The following THBS3 variants were observed in gnomAD, a reference collection of about 807,000 sequenced individuals.
THBS3 encodes the protein thrombospondin 3, also known as thrombospondin-3.
Under a neutral mutation model 118.3 loss-of-function variants are expected in THBS3, and 78 were observed. The ratio of observed to expected loss-of-function variants is 0.66; its 90% CI spans 0.55 to 0.80. The LOEUF (loss-of-function observed/expected upper bound fraction) is 0.80. Ranked by LOEUF, THBS3 falls within the 30% of genes least tolerant of loss-of-function variation. THBS3 has a pLI of 0.00. For missense variants in THBS3, 1,057 were observed against 1,247.4 expected, an observed-to-expected ratio of 0.85 and a Z score of 2.30; for synonymous variants, 427 against 475.3, an observed-to-expected ratio of 0.90 and a Z score of 1.32.
chr1:155,208,880 G>A (rs778777390), upstream of THBS3: 1 of 1,611,688 alleles, frequency 6.2e-7, no homozygotes, highest in South Asian at 1.1e-5. Flanking sequence ...TACAGGCCAC[G>A]TGCAGTTTGG....
chr1:155,203,158 G>A (rs1390093805), intron 6 of THBS3, 21 bp from the exon 7 acceptor site: 2 of 1,614,110 alleles, frequency 1.2e-6, no homozygotes, highest in African/African-American at 1.3e-5. Context: ...ATGGGGAGGA[G>A]TCAGCACTTG....
Position 155,205,144 on chromosome 1 carries a change from G to A in THBS3, c.459C>T (p.Gly153=). The part of the protein sequence containing the change: ...VDCKLGDQHA[G]LPALAPIPPA... ...GAGGAATGGGGGCCAGTGCTGGAAG[G>A]CCTGCATGTTGGTCACCCAGTTTGC... is the stretch of plus-strand genomic sequence containing the variant. The change falls in exon 3 of 23, where the codon GGC becomes GGT. Residue 153 remains glycine, a synonymous_variant. Coordinates refer to ENST00000368378, the MANE Select transcript of THBS3 (RefSeq NM_007112.5). 1 of 1,614,192 alleles carries A rather than the reference G, an allele frequency of 6.2e-7. No individual in the cohort carries two copies. Among genetic ancestry groups the A allele is most frequent in the Non-Finnish European group, 8.5e-7 (1 of 1,180,042 alleles).
chr1:155,195,715 C>CT lies in THBS3; in HGVS notation c.*125dup. ...TGACCACCCCTCTGGGACTGAACTC[C>CT]TTTTGGGAGCCAGAGAAGGGTCTGT... On this transcript the variant is annotated 3_prime_UTR_variant, in exon 23 of 23. Transcript: ENST00000368378. 9.2e-7 allele frequency: 1 copy of CT among 1,084,588 alleles called. No individual in the cohort carries two copies. The highest frequency in any genetic ancestry group is 1.3e-6 in the Non-Finnish European group (1 of 741,298). The allele number at this position is 1,084,588 out of a possible 1,614,324, so 67.2% of individuals were successfully genotyped here. A position where few individuals can be genotyped will look rare whatever the true frequency, so the allele number is the denominator to read the frequency against.
Position 155,205,244 on chromosome 1 carries a change from C to T in THBS3, c.359G>A (p.Gly120Glu), listed in dbSNP as rs1027652762. ...VNLQQAGLAD[G>E]RTHTVLLRLR... ...TCGCAGGAGAACTGTGTGTGTGCGC[C>T]CATCAGCCAGGCCCGCTTGCTGTAG... Residue 120 changes from glycine (G) to glutamate (E), a missense_variant, in exon 3 of 23, where the codon GGG becomes GAG. Gly to Glu is a moderately conservative substitution (Grantham distance 98, BLOSUM62 -2). Coordinates refer to ENST00000368378, the MANE Select transcript of THBS3 (RefSeq NM_007112.5). 5.0e-6 allele frequency: 8 copies of T among 1,614,020 alleles called. No individual in the cohort carries two copies. The highest frequency in any genetic ancestry group is 1.7e-5 in the Admixed American group (1 of 59,998).
rs1265427589 is a variant in THBS3 at position 155,197,528 on chromosome 1, T to C, written c.2434A>G (p.Thr812Ala). ...GTAGCCTGCCAGTAGGTCTGCTCGGTCTGCTTCCACATGACTACGTAGAAG... is the reference window on the plus strand; with the variant it reads ...GTAGCCTGCCAGTAGGTCTGCTCGGCCTGCTTCCACATGACTACGTAGAAG... Reference protein sequence around the residue: ...GRFYVVMWKQTEQTYWQATPF... With the variant: ...GRFYVVMWKQAEQTYWQATPF... The change falls in exon 20 of 23, where the codon ACC becomes GCC. Residue 812 changes from threonine to alanine, a missense_variant. Around this residue, in one of 3 missense-constraint regions of THBS3, gnomAD observed 307 missense variants for 326.1 expected, o/e 0.94. Transcript: ENST00000368378. The surrounding 1 kb of genome is among the most constrained non-coding windows in gnomAD (Gnocchi z 5.0). The C allele has an allele frequency of 2.5e-6, 4 of 1,614,116 alleles. No individual in the cohort carries two copies. Among genetic ancestry groups the C allele is most frequent in the Non-Finnish European group, 8.5e-7 (1 of 1,180,016 alleles).
intron 13 of THBS3, 80 bp from the exon 14 acceptor site, chr1:155,200,690 CT>C: frequency 6.3e-7 from 1 of 1,577,866 alleles, no homozygotes. Context: ...TCTCTGTATC[CT>C]TTTCTAAGAT....
chr1:155,196,655 G>A (rs1397626520), intron 21 of THBS3, among the ~76,000 whole-genome samples: 2 of 152,208 alleles, frequency 1.3e-5, no homozygotes, highest in East Asian at 1.9e-4. Context: ...GGCCTGTGAA[G>A]TCAGGGCCTT....
rs200209248 is a variant in THBS3 at position 155,198,399 on chromosome 1, G to A, written c.2074+10C>T. ...CACCAGTCTAACGTGCTCTGGGTCCGCAGGCTTACCATCTGAGTCCTTCTG... is the reference window on the plus strand; with the variant it reads ...CACCAGTCTAACGTGCTCTGGGTCCACAGGCTTACCATCTGAGTCCTTCTG... On this transcript the variant is annotated intron_variant, in intron 17 of 22. Transcript: ENST00000368378. 1.7e-5 allele frequency: 28 copies of A among 1,611,718 alleles called. No homozygotes were observed. The highest frequency in any genetic ancestry group is 5.3e-5 in the African/African-American group (4 of 75,014).
intron 16 of THBS3, 32 bp from the exon 17 acceptor site, chr1:155,198,634 T>C (rs1287317570): frequency 6.2e-7 from 1 of 1,603,596 alleles, no homozygotes; most frequent in East Asian, 2.2e-5. Context: ...AAATAAAGGA[T>C]TTAAAGGTAC....
Position 155,198,071 on chromosome 1 carries a change from T to C in THBS3, c.2224A>G (p.Ile742Val). 1 of 1,614,182 alleles carries C rather than the reference T, an allele frequency of 6.2e-7. No homozygotes were observed. Among genetic ancestry groups the C allele is most frequent in the Non-Finnish European group, 8.5e-7 (1 of 1,180,040 alleles). Residue 742 changes from isoleucine (I) to valine (V), a missense_variant, in exon 18 of 23, where the codon ATT becomes GTT. Coordinates refer to ENST00000368378, the MANE Select transcript of THBS3 (RefSeq NM_007112.5). ...VVLDPEGDAQ[I>V]DPNWVVLNQG... ...TTGAGCACAACCCAGTTTGGGTCAA[T>C]CTGAGCATCACCCTCAGGATCCAGG... is the stretch of plus-strand genomic sequence containing the variant.
At position 155,206,289 on chromosome 1, in the gene THBS3, G is replaced by C. The variant is rs148551999; in HGVS notation, c.197C>G (p.Pro66Arg). The C allele has an allele frequency of 2.3e-4, 368 of 1,614,036 alleles. No homozygotes were observed. The highest frequency in any genetic ancestry group is 2.9e-4 in the Non-Finnish European group (345 of 1,180,024). The change falls in exon 2 of 23, where the codon CCC becomes CGC. Residue 66 changes from proline to arginine, a missense_variant. Transcript: ENST00000368378. The surrounding 1 kb of genome is among the most constrained non-coding windows in gnomAD (Gnocchi z 4.2). ...IYLLSTFRLPPKQGGVLFGLY... is the reference protein window; with the variant it reads ...IYLLSTFRLPRKQGGVLFGLY... Reference sequence around the variant, plus strand: ...GCCAAAGAGGACACCACCCTGCTTGGGGGGCAGGCGGAAGGTGGATAAGAG... The same window carrying C: ...GCCAAAGAGGACACCACCCTGCTTGCGGGGCAGGCGGAAGGTGGATAAGAG...
chr1:155,209,075 C>A, upstream of THBS3: 1 of 1,539,318 alleles, frequency 6.5e-7, no homozygotes, highest in South Asian at 1.2e-5. Flanking sequence ...CCCCGAGGCC[C>A]GCGGCCCAGT....
chr1:155,205,351 C>T lies in THBS3; in HGVS notation c.287-35G>A, dbSNP rs764190676. 2.5e-6 allele frequency: 4 copies of T among 1,597,702 alleles called. No individual in the cohort carries two copies. The South Asian group carries it at 4.4e-5, about 18-fold the overall frequency. The stretch of plus-strand genomic sequence containing the variant: ...AGGGGAGATCAGTATGGGCGCTATC[C>T]CCCACCCCCTGCCTCCCAGCTGAGC... On this transcript the variant is annotated intron_variant, in intron 2 of 22. Coordinates refer to ENST00000368378, the MANE Select transcript of THBS3 (RefSeq NM_007112.5).
Position 155,201,100 on chromosome 1 carries a change from G to A in THBS3, c.1434C>T (p.Cys478=), listed in dbSNP as rs1473053247. 3.7e-6 allele frequency: 6 copies of A among 1,614,200 alleles called. No homozygotes were observed. Among genetic ancestry groups the A allele is most frequent in the Non-Finnish European group, 5.1e-6 (6 of 1,180,040 alleles). ...GCCCGCCTGCTCCCTGCACCTGTTTGCAGTGTTTGTTGTTGTCCATGCAGG... is the reference window on the plus strand; with the variant it reads ...GCCCGCCTGCTCCCTGCACCTGTTTACAGTGTTTGTTGTTGTCCATGCAGG... ...ALPCMDNNKH[C]KQDNCLLTPN... Residue 478 remains cysteine (C), a synonymous_variant, in exon 12 of 23, where the codon TGC becomes TGT. Coordinates refer to ENST00000368378, the MANE Select transcript of THBS3 (RefSeq NM_007112.5).
Position 155,206,101 on chromosome 1 carries a change from G to A in THBS3, c.286+99C>T, listed in dbSNP as rs914615. On this transcript the variant is annotated intron_variant, in intron 2 of 22. Coordinates refer to ENST00000368378, the MANE Select transcript of THBS3 (RefSeq NM_007112.5). The surrounding 1 kb of genome is among the most constrained non-coding windows in gnomAD (Gnocchi z 4.2). ...CAGCCTGATGGGACCTTGGTCCCTA[G>A]TGGAGGCCAAGGAGAATGAGGAAGC... The A allele has an allele frequency of 0.45, 636,087 of 1,412,338 alleles. 146,258 individuals are homozygous for A. The highest frequency in any genetic ancestry group is 0.55 in the Middle Eastern group (2,178 of 3,986). 87.5% of individuals were successfully genotyped at this position (1,412,338 alleles called of 1,614,324 possible). A position where few individuals can be genotyped will look rare whatever the true frequency, so the allele number is the denominator to read the frequency against.
At chr1:155,208,125 G>A, upstream of THBS3, 1 of 560,366 alleles carries the variant, frequency 1.8e-6, no homozygotes, top group South Asian at 2.1e-5. Flanking sequence ...CCTCCCCCAG[G>A]TGCCTCCCTC....
intron 16 of THBS3, 33 bp downstream of exon 16, chr1:155,199,771 G>C: frequency 1.2e-6 from 2 of 1,612,580 alleles, no homozygotes; most frequent in South Asian, 2.2e-5. Flanking sequence ...ACAAAAAAAA[G>C]AAAGACCTTG....
chr1:155,201,722 G>A, intron 10 of THBS3, 153 bp from the exon 11 acceptor site: 1 of 1,009,304 alleles, frequency 9.9e-7, no homozygotes. Context: ...CTTTCAGGGT[G>A]GATAACAGCC....
At chr1:155,199,424 AAG>A (rs1669292115) in intron 16 of THBS3, among the ~76,000 whole-genome samples, 2 of 149,630 alleles carry the variant, frequency 1.3e-5, no homozygotes, top group Admixed American at 6.7e-5. Flanking sequence ...AAAAAAAAAA[AAG>A]GATATACTAG....
Sources: gnomAD v4.1 joint callset for allele counts (sites outside exome capture counted in the v4.1 genomes callset) on GRCh38, gnomAD v4.1.1 for gene constraint, gnomAD v4.1.1 regional missense constraint, Gnocchi (gnomAD v3.1) non-coding constraint, MANE v1.5 for transcripts, NCBI Gene and HGNC (gene_info 2026-07-23, HGNC 2026-07-21) for gene names.